Variants in CPQ observed in about 807,000 individuals in gnomAD.
CPQ encodes the protein carboxypeptidase Q.
Under a neutral mutation model 45.7 loss-of-function variants are expected in CPQ, and 37 were observed. The ratio of observed to expected loss-of-function variants is 0.81; its 90% CI spans 0.62 to 1.07. CPQ has a LOEUF of 1.07. CPQ is among the 50% of genes least tolerant of loss of function. CPQ has a pLI of 0.00. For synonymous variants in CPQ, 186 were observed against 205.8 expected (o/e 0.90, Z 0.82); for missense variants, 537 against 572.9 (o/e 0.94, Z 0.64).
intron 4 of CPQ, among the ~76,000 whole-genome samples, chr8:96,890,495 A>G (rs1812358347): frequency 6.6e-6 from 1 of 152,202 alleles, no homozygotes; most frequent in South Asian, 2.1e-4. Context: ...GGGTTGTTGT[A>G]GTTTCCCATT....
At chr8:96,878,649 C>T (rs528455800) in intron 3 of CPQ, among the ~76,000 whole-genome samples, 1 of 152,248 alleles carries the variant, frequency 6.6e-6, no homozygotes, top group South Asian at 2.1e-4. Context: ...ATGGCTACAA[C>T]AATACAGTCA....
intron 7 of CPQ, among the ~76,000 whole-genome samples, chr8:97,105,719 G>T (rs1811392920): frequency 6.6e-6 from 1 of 152,126 alleles, no homozygotes; most frequent in African/African-American, 2.4e-5. Context: ...TTCAAAATAA[G>T]ATTTTAGAAG....
intron 1 of CPQ, among the ~76,000 whole-genome samples, chr8:96,720,563 T>G (rs961777574): frequency 1.3e-5 from 2 of 152,230 alleles, no homozygotes; most frequent in African/African-American, 2.4e-5. Flanking sequence ...TACAAATTAC[T>G]TCCTCTGAAG....
intron 1 of CPQ, among the ~76,000 whole-genome samples, chr8:96,659,902 C>A (rs1460504500): frequency 1.3e-5 from 2 of 152,168 alleles, no homozygotes; most frequent in Non-Finnish European, 2.9e-5. Flanking sequence ...TATTTTAAAC[C>A]ACTTTATCCT....
At chr8:97,040,845 C>T (rs1187551227) in intron 6 of CPQ, among the ~76,000 whole-genome samples, 1 of 152,130 alleles carries the variant, frequency 6.6e-6, no homozygotes, top group Non-Finnish European at 1.5e-5. Flanking sequence ...TGATCTATAT[C>T]TCTGTTTTGG....
intron 4 of CPQ, among the ~76,000 whole-genome samples, chr8:96,895,569 T>C (rs916426284): frequency 2.6e-5 from 4 of 151,324 alleles, no homozygotes; most frequent in Non-Finnish European, 5.9e-5. Context: ...GAATTTTGAA[T>C]GTGTCTTTTG....
intron 3 of CPQ, among the ~76,000 whole-genome samples, chr8:96,846,136 A>G (rs932388518): frequency 2.0e-5 from 3 of 152,158 alleles, no homozygotes; most frequent in South Asian, 2.1e-4. Context: ...TTTTTTAAGG[A>G]AGTTGTACCA....
chr8:96,662,073 A>G (rs989575685), intron 1 of CPQ, among the ~76,000 whole-genome samples: 1 of 151,984 alleles, frequency 6.6e-6, no homozygotes, highest in African/African-American at 2.4e-5. Flanking sequence ...TTTCCACTTT[A>G]TATCTTCTTT....
At chr8:97,043,525 C>G (rs1810173142) in intron 6 of CPQ, among the ~76,000 whole-genome samples, 1 of 152,162 alleles carries the variant, frequency 6.6e-6, no homozygotes, top group Non-Finnish European at 1.5e-5. Flanking sequence ...TTGATCCTGT[C>G]ATTATGATGT....
chr8:96,857,138 G>A (rs1031453920), intron 3 of CPQ, among the ~76,000 whole-genome samples: 1 of 152,190 alleles, frequency 6.6e-6, no homozygotes, highest in African/African-American at 2.4e-5. Flanking sequence ...ATAGGCATGG[G>A]TAGCCACCTA....
intron 2 of CPQ, among the ~76,000 whole-genome samples, chr8:96,829,181 A>G (rs1356095565): frequency 6.6e-6 from 1 of 152,062 alleles, no homozygotes; most frequent in Admixed American, 6.6e-5. Context: ...CACACCACCA[A>G]ACAGGGCAGG....
At chr8:96,820,691 G>A (rs2319930) in intron 2 of CPQ, among the ~76,000 whole-genome samples, 151,828 of 152,202 alleles carry the variant, frequency 1, 75,727 homozygotes, top group Middle Eastern at 1. Flanking sequence ...TATATATGGC[G>A]TTTTCTTTCT....
At chr8:97,137,813 C>T (rs983503005) in intron 7 of CPQ, among the ~76,000 whole-genome samples, 3 of 151,980 alleles carry the variant, frequency 2.0e-5, no homozygotes, top group East Asian at 1.9e-4. Flanking sequence ...CCTGTAGTCC[C>T]GGGAGGCGGA....
chr8:96,912,438 T>C (rs73279838), intron 4 of CPQ, among the ~76,000 whole-genome samples: 10,647 of 152,208 alleles, frequency 0.07, 676 homozygotes, highest in African/African-American at 0.17. Context: ...TGTAGCCTTT[T>C]AATGTCAGAA....
intron 2 of CPQ, among the ~76,000 whole-genome samples, chr8:96,788,023 G>A (rs1212579286): frequency 1.3e-5 from 2 of 151,330 alleles, no homozygotes; most frequent in African/African-American, 4.8e-5. Context: ...AGTTTTACTA[G>A]ACATGAGATT....
chr8:96,865,309 G>A (rs1415440408), intron 3 of CPQ, among the ~76,000 whole-genome samples: 1 of 152,034 alleles, frequency 6.6e-6, no homozygotes, highest in African/African-American at 2.4e-5. Context: ...GAGAACCTGT[G>A]AGTCTGTCTG....
At chr8:97,040,643 C>G (rs977410805) in intron 6 of CPQ, among the ~76,000 whole-genome samples, 4 of 152,164 alleles carry the variant, frequency 2.6e-5, no homozygotes, top group African/African-American at 9.7e-5. Flanking sequence ...TTTAATCCAT[C>G]TTGAATTAAT....
chr8:97,084,765 A>T (rs1175630792), intron 7 of CPQ, among the ~76,000 whole-genome samples: 1 of 151,806 alleles, frequency 6.6e-6, no homozygotes, highest in Non-Finnish European at 1.5e-5. Flanking sequence ...CTTGTAAAGG[A>T]GCTAGTCATT....
chr8:96,843,811 A>G (rs983238811), intron 3 of CPQ, among the ~76,000 whole-genome samples: 64 of 152,210 alleles, frequency 4.2e-4, no homozygotes, highest in African/African-American at 1.4e-3. Context: ...CAAAAATGGA[A>G]TCTCTGGAAT....
Sources: allele counts gnomAD v4.1 joint callset (sites outside exome capture counted in the v4.1 genomes callset), GRCh38; gene constraint gnomAD v4.1.1; transcripts MANE v1.5; gene names NCBI Gene and HGNC (gene_info 2026-07-23, HGNC 2026-07-21).